The following MALRD1 variants were observed in gnomAD, a reference collection of about 807,000 sequenced individuals.
MALRD1 encodes the protein MAM and LDL receptor class A domain containing 1.
A neutral mutation model predicts 242.1 loss-of-function variants in MALRD1; 247 were observed. The ratio of observed to expected loss-of-function variants is 1.02; its 90% confidence interval spans 0.92 to 1.13. The LOEUF is 1.13. MALRD1 is among the 50% of genes most tolerant of loss of function. The probability of loss-of-function intolerance (pLI) is 0.00; values close to 1 mark genes in which losing one functional copy is unlikely to be tolerated. For synonymous variants in MALRD1, 995 were observed against 866.6 expected (o/e 1.15, Z -2.60); for missense variants, 2,989 against 2,533.1 (o/e 1.18, Z -3.86).
At chr10:19,182,483 C>A (rs1331840415) in intron 14 of MALRD1, among the ~76,000 whole-genome samples, 1 of 141,584 alleles carries the variant, frequency 7.1e-6, no homozygotes, top group South Asian at 2.2e-4. Flanking sequence ...CGCCATCACG[C>A]CCGGCTAATT....
At chr10:19,462,640 A>T (rs1162265962) in intron 29 of MALRD1, among the ~76,000 whole-genome samples, 1 of 152,264 alleles carries the variant, frequency 6.6e-6, no homozygotes, top group Non-Finnish European at 1.5e-5. Flanking sequence ...CTATTCTTAG[A>T]ACATGATATT....
intron 13 of MALRD1, among the ~76,000 whole-genome samples, chr10:19,173,784 A>T (rs369161419): frequency 2.1e-4 from 32 of 152,230 alleles, no homozygotes; most frequent in African/African-American, 7.5e-4. Flanking sequence ...AACTCTCATT[A>T]TTGGCAGAAA....
intron 21 of MALRD1, among the ~76,000 whole-genome samples, chr10:19,315,908 C>T (rs910528333): frequency 6.7e-6 from 1 of 148,514 alleles, no homozygotes; most frequent in South Asian, 2.1e-4. Context: ...TACAATTTTA[C>T]TAAAATAGTA....
intron 18 of MALRD1, among the ~76,000 whole-genome samples, chr10:19,219,011 A>G (rs1316534266): frequency 6.6e-6 from 1 of 152,124 alleles, no homozygotes; most frequent in Non-Finnish European, 1.5e-5. Context: ...TTACCCCGCC[A>G]GTCTGAAAAA....
At chr10:19,406,953 A>G (rs1221869365) in intron 28 of MALRD1, among the ~76,000 whole-genome samples, 1 of 152,142 alleles carries the variant, frequency 6.6e-6, no homozygotes, top group African/African-American at 2.4e-5. Flanking sequence ...AGTTTTTCAT[A>G]TAGAACCCTC....
At chr10:19,236,449 T>C (rs1342847169) in intron 18 of MALRD1, among the ~76,000 whole-genome samples, 1 of 152,182 alleles carries the variant, frequency 6.6e-6, no homozygotes, top group Admixed American at 6.5e-5. Context: ...TTGAGGAGTC[T>C]TGCATTATGT....
At chr10:19,166,555 A>C (rs958799572) in intron 13 of MALRD1, among the ~76,000 whole-genome samples, 1 of 152,202 alleles carries the variant, frequency 6.6e-6, no homozygotes, top group Non-Finnish European at 1.5e-5. Context: ...GTGTATTTCA[A>C]AATATTTAGG....
chr10:19,343,272 C>G (rs780899495), intron 24 of MALRD1, among the ~76,000 whole-genome samples: 5 of 152,044 alleles, frequency 3.3e-5, no homozygotes, highest in African/African-American at 9.7e-5. Context: ...TTCATAGAAA[C>G]TTCAAAGAGA....
At chr10:19,232,467 C>G (rs1333205623) in intron 18 of MALRD1, among the ~76,000 whole-genome samples, 1 of 151,898 alleles carries the variant, frequency 6.6e-6, no homozygotes, top group African/African-American at 2.4e-5. Context: ...CATGAGCCAC[C>G]ACTCCTGGCC....
At chr10:19,078,719 T>A (rs1835393794) in intron 2 of MALRD1, among the ~76,000 whole-genome samples, 2 of 151,916 alleles carry the variant, frequency 1.3e-5, no homozygotes, top group South Asian at 4.1e-4. Flanking sequence ...TTGGATTTTT[T>A]ATTTCTTCTT....
intron 36 of MALRD1, among the ~76,000 whole-genome samples, chr10:19,641,977 A>G (rs902493135): frequency 2.0e-5 from 3 of 152,164 alleles, no homozygotes; most frequent in African/African-American, 4.8e-5. Flanking sequence ...GAGTGAAAAA[A>G]AAGATTAATG....
intron 26 of MALRD1, among the ~76,000 whole-genome samples, chr10:19,355,268 T>C (rs753459335): frequency 1.3e-5 from 2 of 152,094 alleles, no homozygotes; most frequent in Non-Finnish European, 2.9e-5. Context: ...TAGAGCCAAA[T>C]TGTGGACCAC....
intron 33 of MALRD1, among the ~76,000 whole-genome samples, chr10:19,573,643 A>T (rs1836668481): frequency 6.6e-6 from 1 of 152,156 alleles, no homozygotes; most frequent in South Asian, 2.1e-4. Flanking sequence ...GATTTTTCTC[A>T]TTCATGAAAT....
intron 26 of MALRD1, among the ~76,000 whole-genome samples, chr10:19,374,676 GC>G (rs774549677): frequency 2.6e-5 from 4 of 152,166 alleles, no homozygotes; most frequent in Non-Finnish European, 4.4e-5. Context: ...GTCCTGGGCA[GC>G]CCTTTTCAGT....
At position 19,290,928 on chromosome 10, in the gene MALRD1, T is replaced by C. The variant is rs534414902; in HGVS notation, c.3419+7747T>C. ...ACTCTGACCTACACAATTAGTTTAATTGGTCAAGTCTCTTAGCCCAGGCAG... is the reference window on the plus strand; with the variant it reads ...ACTCTGACCTACACAATTAGTTTAACTGGTCAAGTCTCTTAGCCCAGGCAG... On this transcript the variant is annotated intron_variant, in intron 21 of 39. Transcript: ENST00000454679. 5.9e-5 allele frequency among the ~76,000 whole-genome samples: 9 copies of C among 152,284 alleles called. No homozygotes were observed. The South Asian group carries it at 1.9e-3, about 32-fold the overall frequency.
At chr10:19,443,004 A>T (rs1019242274) in intron 28 of MALRD1, among the ~76,000 whole-genome samples, 1 of 152,178 alleles carries the variant, frequency 6.6e-6, no homozygotes, top group Non-Finnish European at 1.5e-5. Flanking sequence ...AGAGCCTGAT[A>T]TTGACCTATT....
chr10:19,704,015 A>G (rs900102938), intron 38 of MALRD1, among the ~76,000 whole-genome samples: 14 of 152,298 alleles, frequency 9.2e-5, no homozygotes, highest in African/African-American at 3.1e-4. Context: ...TTTAGACTGT[A>G]TCTTTGACTG....
intron 31 of MALRD1, 58 bp downstream of exon 31, chr10:19,498,704 A>T (rs1837834438): frequency 6.7e-7 from 1 of 1,503,466 alleles, no homozygotes; most frequent in Non-Finnish European, 8.9e-7. Context: ...GTCTGCTTTA[A>T]CAATTTGTGT....
Position 19,497,363 on chromosome 10 carries a change from A to G in MALRD1, c.5159-1122A>G, listed in dbSNP as rs1338430168. ...AGGCACACAGAGCCCATAAATAAGC[A>G]TACAAGAAGCAATAGATTATATATA... On this transcript the variant is annotated intron_variant, in intron 30 of 39. Coordinates refer to ENST00000454679, the MANE Select transcript of MALRD1 (RefSeq NM_001142308.3). Among the ~76,000 whole-genome samples, 2 of 151,716 alleles carry G rather than the reference A, an allele frequency of 1.3e-5. 1 individual carries two copies. Among genetic ancestry groups the G allele is most frequent in the Non-Finnish European group, 2.9e-5 (2 of 68,004 alleles).
Sources: gnomAD v4.1 joint callset for allele counts (sites outside exome capture counted in the v4.1 genomes callset) on GRCh38, gnomAD v4.1.1 for gene constraint, MANE v1.5 for transcripts, NCBI Gene and HGNC (gene_info 2026-07-23, HGNC 2026-07-21) for gene names.